The following UPP2 variants were observed in gnomAD, a reference collection of about 807,000 sequenced individuals.
UPP2 encodes the protein UPase 2.
UPP2 carries 23 observed loss-of-function variants against 26.7 expected under a neutral mutation model. The observed-to-expected ratio is 0.86, with a 90% CI of 0.62 to 1.22. The LOEUF is 1.22. UPP2 is among the 50% of genes most tolerant of loss of function. UPP2 has a pLI of 0.00. For missense variants in UPP2, 387 were observed against 396.7 expected (o/e 0.98, Z 0.21); for synonymous variants, 127 against 141.3 (o/e 0.90, Z 0.72).
At chr2:158,042,763 G>A (rs1445467858) in intron 3 of UPP2, among the ~76,000 whole-genome samples, 1 of 152,158 alleles carries the variant, frequency 6.6e-6, no homozygotes, top group African/African-American at 2.4e-5. Context: ...GGAGGACACT[G>A]GGTGGCAGAG....
chr2:158,011,723 C>A (rs537423523), intron 2 of UPP2, among the ~76,000 whole-genome samples: 1 of 152,322 alleles, frequency 6.6e-6, no homozygotes, highest in South Asian at 2.1e-4. Flanking sequence ...GATGAATAAA[C>A]CAACTTGGCT....
chr2:158,038,096 T>C (rs1219293469), intron 3 of UPP2, among the ~76,000 whole-genome samples: 2 of 152,268 alleles, frequency 1.3e-5, no homozygotes, highest in African/African-American at 4.8e-5. Context: ...ACAAAGGCTC[T>C]ATATTCCATC....
chr2:158,050,044 G>T (rs2215176), intron 3 of UPP2, among the ~76,000 whole-genome samples: 105,305 of 151,396 alleles, frequency 0.7, 36,767 homozygotes, highest in African/African-American at 0.72. Flanking sequence ...CTTGATTCCT[G>T]ACATTTTATT....
chr2:158,126,803 C>T (rs1683703537), intron 6 of UPP2: 1 of 152,180 alleles, frequency 6.6e-6, no homozygotes, highest in African/African-American at 2.4e-5. Context: ...AAAGATTTCA[C>T]CTGGCACCAA....
chr2:158,134,900 C>T lies in UPP2; in HGVS notation c.*10C>T, dbSNP rs202089280. 2.0e-3 allele frequency: 3,229 copies of T among 1,608,828 alleles called. 7 individuals carry two copies. The highest frequency in any genetic ancestry group is 2.6e-3 in the Non-Finnish European group (3,087 of 1,177,488). ...TGGACTTTGTGACTAGACGTCCTAA[C>T]TGGGCAGCCCAACCCTCCCCTGCAA... On this transcript the variant is annotated 3_prime_UTR_variant, in exon 7 of 7. Transcript: ENST00000005756.
intron 2 of UPP2, among the ~76,000 whole-genome samples, chr2:158,110,368 T>C (rs1047392173): frequency 6.6e-6 from 1 of 152,004 alleles, no homozygotes; most frequent in African/African-American, 2.4e-5. Context: ...TATTCCATGG[T>C]GTATTTGCTT....
chr2:158,106,860 G>A (rs531381119), intron 2 of UPP2, among the ~76,000 whole-genome samples: 3 of 152,204 alleles, frequency 2.0e-5, no homozygotes, highest in South Asian at 4.1e-4. Context: ...CCTAAACATA[G>A]ACATGATCAA....
intron 3 of UPP2, among the ~76,000 whole-genome samples, chr2:158,033,672 G>C (rs536352153): frequency 2.2e-4 from 33 of 152,238 alleles, no homozygotes; most frequent in African/African-American, 7.9e-4. Flanking sequence ...CCTGCAGGCA[G>C]CTGTCCAACA....
At chr2:158,103,531 A>G (rs2105211863) in intron 1 of UPP2, among the ~76,000 whole-genome samples, 1 of 152,318 alleles carries the variant, frequency 6.6e-6, no homozygotes, top group Middle Eastern at 3.4e-3. Flanking sequence ...GGAGTTTGGA[A>G]TCACTAGGGT....
chr2:158,064,296 T>C (rs7371040), intron 3 of UPP2, among the ~76,000 whole-genome samples: 22,118 of 152,198 alleles, frequency 0.15, 1,947 homozygotes, highest in East Asian at 0.32. Context: ...TTCTAACTGG[T>C]GTGAGATGGT....
At position 158,031,611 on chromosome 2, in the gene UPP2, C is replaced by T. The variant is rs140860127; in HGVS notation, c.147+15725C>T. 5.1e-4 allele frequency among the ~76,000 whole-genome samples: 77 copies of T among 152,266 alleles called. 1 individual carries two copies. The East Asian group carries it at 0.011, about 21-fold the overall frequency. On this transcript the variant is annotated intron_variant, in intron 3 of 9. Transcript: ENST00000605860. ...TTCTAACAAGGATCTGCAGAGGCAG[C>T]CAGTGTCGGTTTGGAAGGCCATAGT...
At chr2:158,057,443 T>C (rs1682265161) in intron 3 of UPP2, among the ~76,000 whole-genome samples, 1 of 152,234 alleles carries the variant, frequency 6.6e-6, no homozygotes, top group African/African-American at 2.4e-5. Flanking sequence ...ATTTTATACA[T>C]TGGATTATAA....
Position 158,016,528 on chromosome 2 carries a change from A to T in UPP2, c.147+642A>T, listed in dbSNP as rs1683662640. Among the ~76,000 whole-genome samples the T allele has an allele frequency of 5.3e-5, 8 of 152,012 alleles. No homozygotes were observed. In the South Asian group the frequency reaches 1.7e-3, roughly 31 times the overall value. Reference sequence around the variant, plus strand: ...GCTAATTTTTGTATTTTTAGTAGAGACAGGGCTTCACCATGTTGACCAGGC... The same window carrying T: ...GCTAATTTTTGTATTTTTAGTAGAGTCAGGGCTTCACCATGTTGACCAGGC... On this transcript the variant is annotated intron_variant, in intron 3 of 9. Coordinates refer to the UPP2 transcript ENST00000605860.
chr2:158,110,299 C>T (rs879159397), intron 2 of UPP2, among the ~76,000 whole-genome samples: 1 of 152,152 alleles, frequency 6.6e-6, no homozygotes, highest in East Asian at 1.9e-4. Context: ...ATGATGGTTT[C>T]CAGCTTCATC....
intron 2 of UPP2, among the ~76,000 whole-genome samples, chr2:157,999,027 T>A (rs1683365349): frequency 6.6e-6 from 1 of 152,208 alleles, no homozygotes; most frequent in South Asian, 2.1e-4. Flanking sequence ...AGTCATTTTT[T>A]ATCTGTGTGT....
At chr2:158,081,707 A>G (rs11676875) in intron 3 of UPP2, among the ~76,000 whole-genome samples, 69,038 of 151,832 alleles carry the variant, frequency 0.45, 16,724 homozygotes, top group Non-Finnish European at 0.53. Context: ...CCAGACACAG[A>G]AAGATAAACT....
At chr2:158,086,354 T>C (rs1682814301) in intron 3 of UPP2, among the ~76,000 whole-genome samples, 1 of 152,164 alleles carries the variant, frequency 6.6e-6, no homozygotes, top group Non-Finnish European at 1.5e-5. Flanking sequence ...ATTTTGTTTC[T>C]AATTGAACTT....
At chr2:158,075,644 T>C (rs1161716857) in intron 3 of UPP2, among the ~76,000 whole-genome samples, 1 of 151,866 alleles carries the variant, frequency 6.6e-6, no homozygotes, top group East Asian at 1.9e-4. Context: ...AAACAAATGA[T>C]CATAGAAATA....
At chr2:158,010,955 G>A (rs961919621) in intron 2 of UPP2, among the ~76,000 whole-genome samples, 5 of 151,798 alleles carry the variant, frequency 3.3e-5, no homozygotes, top group Admixed American at 2.6e-4. Context: ...TAGTAGAGAC[G>A]GGGTTTCTCC....
Sources: allele counts gnomAD v4.1 joint callset (sites outside exome capture counted in the v4.1 genomes callset), GRCh38; gene constraint gnomAD v4.1.1; transcripts MANE v1.5; gene names NCBI Gene and HGNC (gene_info 2026-07-23, HGNC 2026-07-21).